The following DPP8 variants were observed in gnomAD, a reference collection of about 807,000 sequenced individuals.
The protein encoded by DPP8 is dipeptidyl peptidase 8, also known as DPP VIII.
DPP8 carries 31 observed loss-of-function variants against 107.5 expected under a neutral mutation model. That is an observed-to-expected ratio of 0.29 (90% CI 0.22 to 0.39). DPP8 has a LOEUF of 0.39. Ranked by LOEUF, DPP8 falls within the 10% of genes least tolerant of loss-of-function variation. The pLI is 1.00. For synonymous variants in DPP8, 381 were observed against 356.6 expected (o/e 1.07, Z -0.77); for missense variants, 842 against 1,076.1 (o/e 0.78, Z 3.04).
In DPP8 at chr15:65,480,534, T is replaced by C. The variant is rs1780262557; in HGVS notation, c.1119-135A>G. The C allele has an allele frequency of 9.4e-6, 5 of 533,762 alleles. No individual in the cohort carries two copies. In the South Asian group the frequency reaches 1.9e-4, roughly 20 times the overall value. 33.1% of individuals were successfully genotyped at this position (533,762 alleles called of 1,614,324 possible). ...AGAACTGCTTTAGTGTATATTAAATTATCACTTACAAATAGTTAATTAAAA... is the reference window on the plus strand; with the variant it reads ...AGAACTGCTTTAGTGTATATTAAATCATCACTTACAAATAGTTAATTAAAA... On this transcript the variant is annotated intron_variant, in intron 9 of 19. Transcript: ENST00000300141.
rs1215943079 is a variant in DPP8, at chr15:65,444,475, G to A, written c.*2409C>T. The A allele has an allele frequency of 6.6e-6, 1 of 152,104 alleles. No individual in the cohort carries two copies. Among genetic ancestry groups the A allele is most frequent in the African/African-American group, 2.4e-5 (1 of 41,402 alleles). 9.4% of individuals were successfully genotyped at this position (152,104 alleles called of 1,614,324 possible). A position where few individuals can be genotyped will look rare whatever the true frequency, so the allele number is the denominator to read the frequency against. ...TTTAAGCTGTTACCCATACTCAGGG[G>A]GTACAAACTTTTAGTGAGATTTCTA... On this transcript the variant is annotated 3_prime_UTR_variant, in exon 20 of 20. Coordinates refer to ENST00000300141, the MANE Select transcript of DPP8 (RefSeq NM_130434.5).
intron 6 of DPP8, among the ~76,000 whole-genome samples, chr15:65,489,413 CT>C (rs71924792): frequency 8.6e-5 from 9 of 104,260 alleles, no homozygotes; most frequent in African/African-American, 1.5e-4. Flanking sequence ...ATATAATCTA[CT>C]TTTTTTTTTT....
At chr15:65,497,821 AAAAT>A (rs1315655751) in intron 5 of DPP8, 39 bp downstream of exon 5, 28 of 1,371,742 alleles carry the variant, frequency 2.0e-5, no homozygotes, top group Non-Finnish European at 2.7e-5. Context: ...TATACTTCAA[AAAAT>A]ACTGTTCAGA....
At chr15:65,487,064 T>C (rs1048870150) in intron 7 of DPP8, among the ~76,000 whole-genome samples, 4 of 152,212 alleles carry the variant, frequency 2.6e-5, no homozygotes, top group African/African-American at 4.8e-5. Context: ...ATTTTTACAA[T>C]TGAAATGCTG....
At chr15:65,457,520 T>C (rs917113412) in intron 15 of DPP8, among the ~76,000 whole-genome samples, 1 of 151,600 alleles carries the variant, frequency 6.6e-6, no homozygotes, top group African/African-American at 2.4e-5. Flanking sequence ...TGCACCACCA[T>C]GCCTGGCTAA....
chr15:65,496,028 G>A (rs1305359388), intron 5 of DPP8, among the ~76,000 whole-genome samples: 1 of 151,298 alleles, frequency 6.6e-6, no homozygotes, highest in Non-Finnish European at 1.5e-5. Flanking sequence ...CTGTCGCCCA[G>A]GCTGGAATGC....
At chr15:65,489,907 C>T (rs1362734602) in intron 6 of DPP8, among the ~76,000 whole-genome samples, 1 of 151,678 alleles carries the variant, frequency 6.6e-6, no homozygotes, top group Admixed American at 6.6e-5. Context: ...TTATTAGAAA[C>T]GGGGTTTCAT....
chr15:65,476,353 T>C (rs2066390662), intron 11 of DPP8, among the ~76,000 whole-genome samples: 1 of 152,156 alleles, frequency 6.6e-6, no homozygotes, highest in Admixed American at 6.6e-5. Context: ...TAAAATTATA[T>C]GTTAACATAT....
chr15:65,457,978 G>A (rs2064578130), intron 15 of DPP8, among the ~76,000 whole-genome samples: 1 of 152,092 alleles, frequency 6.6e-6, no homozygotes, highest in Admixed American at 6.6e-5. Context: ...GTCTTTAAAG[G>A]GAGAGTGCTG....
Position 65,506,214 on chromosome 15 carries a change from A to G in DPP8, c.372+1029T>C, listed in dbSNP as rs528505455. ...CGTGGTGGCGCATGCCTGTAATCCC[A>G]GCTACTTGGGAGTCTGAGGTAGGAG... On this transcript the variant is annotated intron_variant, in intron 3 of 19. Transcript: ENST00000300141. Among the ~76,000 whole-genome samples, 36 of 152,152 alleles carry G rather than the reference A, an allele frequency of 2.4e-4. No individual in the cohort carries two copies. In the East Asian group the frequency reaches 3.9e-3, roughly 16 times the overall value.
At chr15:65,515,803 G>T in intron 1 of DPP8, 1 of 1,000,218 alleles carries the variant, frequency 1.0e-6, no homozygotes, top group South Asian at 1.5e-5. Flanking sequence ...TGCTCACCAG[G>T]ATAATGAAAT....
At chr15:65,473,822 G>A (rs1175991533) in intron 12 of DPP8, among the ~76,000 whole-genome samples, 1 of 152,124 alleles carries the variant, frequency 6.6e-6, no homozygotes, top group Non-Finnish European at 1.5e-5. Flanking sequence ...TACTGGGGTC[G>A]GCTGGGCGCA....
chr15:65,497,357 G>C (rs968463517), intron 5 of DPP8, among the ~76,000 whole-genome samples: 3 of 152,132 alleles, frequency 2.0e-5, no homozygotes, highest in African/African-American at 7.2e-5. Flanking sequence ...TCCTGGATCA[G>C]GTGATCCTCC....
Position 65,481,548 on chromosome 15 carries a change from A to G in DPP8, c.1085T>C (p.Ile362Thr). 2 of 1,594,730 alleles carry G rather than the reference A, an allele frequency of 1.3e-6. No homozygotes were observed. Among genetic ancestry groups the G allele is most frequent in the Non-Finnish European group, 1.7e-6 (2 of 1,172,100 alleles). ...CTCAGGAGTCCATCCAGCTCTGGCAATATATTCAACTCCTTCAAATAGAAT... is the reference window on the plus strand; with the variant it reads ...CTCAGGAGTCCATCCAGCTCTGGCAGTATATTCAACTCCTTCAAATAGAAT... Reference protein sequence around the residue: ...FEILFEGVEYIARAGWTPEGK... With the variant: ...FEILFEGVEYTARAGWTPEGK... Residue 362 changes from isoleucine (I) to threonine (T), a missense_variant, in exon 9 of 20, where the codon ATT becomes ACT. Physicochemically the swap from Ile to Thr is moderately conservative, Grantham distance 89. Around this residue, in one of 2 missense-constraint regions of DPP8, gnomAD observed 663 missense variants for 758.0 expected, o/e 0.87. Transcript: ENST00000300141.
intron 11 of DPP8, among the ~76,000 whole-genome samples, chr15:65,477,236 A>T (rs1423681583): frequency 2.0e-5 from 3 of 151,846 alleles, no homozygotes; most frequent in African/African-American, 7.3e-5. Context: ...GCCCGGCCAA[A>T]ATACAAAAAT....
At chr15:65,490,110 A>G in intron 6 of DPP8, 79 bp downstream of exon 6, 2 of 638,518 alleles carry the variant, frequency 3.1e-6, no homozygotes, top group South Asian at 1.6e-5. Context: ...TCCAAGATTT[A>G]GAACTGTGCA....
At chr15:65,479,207 T>C (rs78660811) in intron 10 of DPP8, among the ~76,000 whole-genome samples, 168 bp from the exon 11 acceptor site, 7,338 of 152,234 alleles carry the variant, frequency 0.048, 596 homozygotes, top group African/African-American at 0.17. Flanking sequence ...GCTTTCAGAT[T>C]TATTTTACTT....
intron 11 of DPP8, chr15:65,475,748 A>C (rs2066326044): frequency 6.4e-6 from 3 of 470,056 alleles, no homozygotes; most frequent in Non-Finnish European, 1.2e-5. Context: ...AACATGCCCC[A>C]TTTGTTTTGT....
chr15:65,454,200 A>G, intron 17 of DPP8, 63 bp downstream of exon 17: 1 of 1,242,966 alleles, frequency 8.0e-7, no homozygotes, highest in East Asian at 2.8e-5. Flanking sequence ...ATTTTCATAT[A>G]TCCTCCATTT....
Sources: gnomAD v4.1 joint callset for allele counts (sites outside exome capture counted in the v4.1 genomes callset) on GRCh38, gnomAD v4.1.1 for gene constraint, gnomAD v4.1.1 regional missense constraint, MANE v1.5 for transcripts, NCBI Gene and HGNC (gene_info 2026-07-23, HGNC 2026-07-21) for gene names.